The following ZNF462 variants were observed in gnomAD, a reference collection of about 807,000 sequenced individuals.
The protein encoded by ZNF462 is zinc finger protein 462.
A neutral mutation model predicts 201.9 loss-of-function variants in ZNF462; 10 were observed. That is an observed-to-expected ratio of 0.05 (90% CI 0.03 to 0.08). The LOEUF (loss-of-function observed/expected upper bound fraction) is 0.08, where lower values mean the gene tolerates loss of function less well. ZNF462 is among the 10% of genes least tolerant of loss of function. The pLI is 1.00. For missense variants in ZNF462, 2,523 were observed against 3,168.3 expected (o/e 0.80, Z 4.89); for synonymous variants, 1,227 against 1,193.3 (o/e 1.03, Z -0.58).
In ZNF462 at chr9:106,872,262, C is replaced by CT; in HGVS notation, c.-31+8911dup. The stretch of plus-strand genomic sequence containing the variant: ...GCTACAAGTACTTATCACCCAGAAT[C>CT]TTTTCTCTTCAGTGGTTTCTATCTT... On this transcript the variant is annotated intron_variant, in intron 1 of 12. Coordinates refer to ENST00000277225, the MANE Select transcript of ZNF462 (RefSeq NM_021224.6). The surrounding 1 kb of genome is among the most constrained non-coding windows in gnomAD (Gnocchi z 4.5). 1.3e-5 allele frequency among the ~76,000 whole-genome samples: 2 copies of CT among 152,338 alleles called. No individual in the cohort carries two copies. The highest frequency in any genetic ancestry group is 3.9e-4 in the East Asian group (2 of 5,184).
chr9:106,976,203 T>C (rs1826991074), intron 9 of ZNF462: 1 of 152,044 alleles, frequency 6.6e-6, no homozygotes, highest in Admixed American at 6.5e-5. Flanking sequence ...TAGCTGAGAG[T>C]TTGGATACCC....
rs771371045 is a variant in ZNF462, at chr9:106,926,375, A to T, written c.2463A>T (p.Gln821His). Residue 821 changes from glutamine to histidine, a missense_variant, in exon 3 of 13, where the codon CAA becomes CAT. By Grantham distance (24) the Gln-to-His change is conservative (BLOSUM62 0). This residue lies in a region of ZNF462 where 383 missense variants were observed against 453.4 expected (regional missense o/e 0.84). Coordinates refer to ENST00000277225, the MANE Select transcript of ZNF462 (RefSeq NM_021224.6). The surrounding 1 kb of genome is among the most constrained non-coding windows in gnomAD (Gnocchi z 7.9). ...QVSNTALLNT[Q>H]TPIYGTEHNS... ...CCAATACTGCTCTGCTGAATACCCAAACTCCCATCTATGGGACTGAGCACA... is the reference window on the plus strand; with the variant it reads ...CCAATACTGCTCTGCTGAATACCCATACTCCCATCTATGGGACTGAGCACA... The T allele has an allele frequency of 1.9e-6, 3 of 1,614,130 alleles. No homozygotes were observed. In the East Asian group the frequency reaches 6.7e-5, roughly 36 times the overall value.
At chr9:106,864,064 C>CTCTCTCTCTG (rs1827191870) in intron 1 of ZNF462, among the ~76,000 whole-genome samples, 8 of 102,430 alleles carry the variant, frequency 7.8e-5, no homozygotes, top group Admixed American at 3.0e-4. Context: ...CTCTCTCTCT[C>CTCTCTCTCTG]TCTCTCTCTC....
rs1242341858 is a variant in ZNF462, at chr9:106,928,553, C to T, written c.4641C>T (p.Asp1547=). The change falls in exon 3 of 13, where the codon GAC becomes GAT. Residue 1547 remains aspartate, a synonymous_variant. Coordinates refer to ENST00000277225, the MANE Select transcript of ZNF462 (RefSeq NM_021224.6). This position sits in a 1 kb window ranked among gnomAD's most constrained non-coding sequence, Gnocchi z 9.3. ...RHPSIKVTAE[D]FVHDVEQSAD... ...CGTCCATCAAGGTGACCGCTGAGGA[C>T]TTTGTGCACGACGTAGAGCAGTCTG... is the stretch of plus-strand genomic sequence containing the variant. 1.9e-6 allele frequency: 3 copies of T among 1,613,984 alleles called. No homozygotes were observed. Among genetic ancestry groups the T allele is most frequent in the Non-Finnish European group, 2.5e-6 (3 of 1,180,022 alleles).
Position 106,938,805 on chromosome 9 carries a change from T to G in ZNF462, c.6236-111T>G. 160 of 1,141,534 alleles carry G rather than the reference T, an allele frequency of 1.4e-4. No individual in the cohort carries two copies. Among genetic ancestry groups the G allele is most frequent in the Middle Eastern group, 2.2e-4 (1 of 4,632 alleles). 70.7% of individuals were successfully genotyped at this position (1,141,534 alleles called of 1,614,324 possible). ...AGGTTCGTTCATAGAACATGAAGCT[T>G]GAGATGCGCTTCTCTAGCATGAGTT... On this transcript the variant is annotated intron_variant, in intron 6 of 12. Transcript: ENST00000277225. This position sits in a 1 kb window ranked among gnomAD's most constrained non-coding sequence, Gnocchi z 4.4.
rs1344545399 is a variant in ZNF462, at chr9:106,935,472, AT to A, written c.6117-26del. The A allele has an allele frequency of 2.5e-6, 4 of 1,598,692 alleles. No homozygotes were observed. Among genetic ancestry groups the A allele is most frequent in the Non-Finnish European group, 3.4e-6 (4 of 1,166,760 alleles). On this transcript the variant is annotated intron_variant, in intron 5 of 12. Transcript: ENST00000277225. The surrounding 1 kb of genome is among the most constrained non-coding windows in gnomAD (Gnocchi z 4.1). ...CCTCTATGCAATTTTTAATTTTGTC[AT>A]TTTTCTTTTTGTTTTCCTTCTACAT...
At position 106,880,471 on chromosome 9, in the gene ZNF462, G is replaced by A. The variant is rs760344443; in HGVS notation, c.-31+17116G>A. The stretch of plus-strand genomic sequence containing the variant: ...TGCATTAAACCAGTGAGAAGTCCAA[G>A]GCTCCATTTCATCCCGTGTAAAACA... On this transcript the variant is annotated intron_variant, in intron 1 of 12. Coordinates refer to ENST00000277225, the MANE Select transcript of ZNF462 (RefSeq NM_021224.6). This position sits in a 1 kb window ranked among gnomAD's most constrained non-coding sequence, Gnocchi z 4.1. 4.5e-4 allele frequency among the ~76,000 whole-genome samples: 69 copies of A among 152,300 alleles called. No individual in the cohort carries two copies. Among genetic ancestry groups the A allele is most frequent in the Non-Finnish European group, 8.1e-4 (55 of 68,020 alleles).
chr9:106,936,726 G>A lies in ZNF462; in HGVS notation c.6235+1105G>A, dbSNP rs1046375241. 3.3e-5 allele frequency among the ~76,000 whole-genome samples: 5 copies of A among 152,240 alleles called. 1 individual carries two copies. The highest frequency in any genetic ancestry group is 1.2e-4 in the African/African-American group (5 of 41,462). On this transcript the variant is annotated intron_variant, in intron 6 of 12. Coordinates refer to ENST00000277225, the MANE Select transcript of ZNF462 (RefSeq NM_021224.6). ...TCCAGCTGGGACACTATCCTGGTGA[G>A]TTTTGCCCATAGGCCTTAGCCTTGT...
At position 106,977,180 on chromosome 9, in the gene ZNF462, T is replaced by C. The variant is rs1827068624; in HGVS notation, c.6832+2907T>C. 6.6e-6 allele frequency among the ~76,000 whole-genome samples: 1 copy of C among 152,196 alleles called. No individual in the cohort carries two copies. The highest frequency in any genetic ancestry group is 1.5e-5 in the Non-Finnish European group (1 of 68,038). On this transcript the variant is annotated intron_variant, in intron 9 of 12. Transcript: ENST00000277225. This position sits in a 1 kb window ranked among gnomAD's most constrained non-coding sequence, Gnocchi z 4.6. ...ATGGCAGCTCAGTAGGAAGCTGACC[T>C]TGACAAGTCGAGAGACAGAGCTGCA...
intron 1 of ZNF462, among the ~76,000 whole-genome samples, chr9:106,901,544 A>G (rs553053639): frequency 3.3e-5 from 5 of 152,324 alleles, no homozygotes; most frequent in East Asian, 1.9e-4. Context: ...CTACCCATCC[A>G]TGAGCATGGG....
intron 1 of ZNF462, among the ~76,000 whole-genome samples, chr9:106,864,013 C>T (rs549490816): frequency 1.4e-5 from 2 of 148,024 alleles, no homozygotes; most frequent in East Asian, 4.2e-4. Flanking sequence ...TGCGGATTGG[C>T]AGCCCCCCTC....
In ZNF462 at chr9:106,930,699, G is replaced by A; in HGVS notation, c.6012+10G>A. The A allele has an allele frequency of 6.2e-7, 1 of 1,613,798 alleles. No individual in the cohort carries two copies. Among genetic ancestry groups the A allele is most frequent in the Non-Finnish European group, 8.5e-7 (1 of 1,179,904 alleles). On this transcript the variant is annotated intron_variant, in intron 4 of 12. Transcript: ENST00000277225. This position sits in a 1 kb window ranked among gnomAD's most constrained non-coding sequence, Gnocchi z 5.8. ...GTCAGCTGCTGTGAAGGTGAGAACTGGAAGGTCTGGATGAGCATTGTGTGT... is the reference window on the plus strand; with the variant it reads ...GTCAGCTGCTGTGAAGGTGAGAACTAGAAGGTCTGGATGAGCATTGTGTGT...
Position 106,890,435 on chromosome 9 carries a change from A to G in ZNF462, c.-31+27080A>G, listed in dbSNP as rs186817486. 4.3e-4 allele frequency among the ~76,000 whole-genome samples: 66 copies of G among 152,326 alleles called. No individual in the cohort carries two copies. Among genetic ancestry groups the G allele is most frequent in the African/African-American group, 1.4e-3 (59 of 41,566 alleles). On this transcript the variant is annotated intron_variant, in intron 1 of 12. Transcript: ENST00000277225. This position sits in a 1 kb window ranked among gnomAD's most constrained non-coding sequence, Gnocchi z 4.2. ...TTCTGGAGTCCTTTTTGGGCATACA[A>G]AAATCTAGCACTTGAAGCCACTTAA...
intron 10 of ZNF462, among the ~76,000 whole-genome samples, chr9:106,996,344 G>C (rs1232984906): frequency 2.6e-5 from 4 of 152,168 alleles, no homozygotes; most frequent in Non-Finnish European, 4.4e-5. Context: ...AATGGGATGG[G>C]TGGGTCAAAT....
chr9:106,879,332 A>AACCCCCCCCCCCCC (rs1554693590), intron 1 of ZNF462, among the ~76,000 whole-genome samples: 1 of 70,632 alleles, frequency 1.4e-5, no homozygotes, highest in Non-Finnish European at 2.8e-5. Context: ...GATGCTTTCC[A>AACCCCCCCCCCCCC]CCCCCCCCCC....
Position 106,924,547 on chromosome 9 carries a change from T to C in ZNF462, c.635T>C (p.Leu212Pro), listed in dbSNP as rs762473377. ...MPDPVVPPVS[L>P]QDPCKELPAE... is the part of the protein sequence containing the mutation. ...GACCCTGTGGTTCCGCCCGTATCACTGCAGGACCCCTGCAAGGAACTGCCA... is the reference window on the plus strand; with the variant it reads ...GACCCTGTGGTTCCGCCCGTATCACCGCAGGACCCCTGCAAGGAACTGCCA... Residue 212 changes from leucine (L) to proline (P), a missense_variant, in exon 3 of 13, where the codon CTG becomes CCG. Physicochemically the swap from Leu to Pro is moderately conservative, Grantham distance 98. Transcript: ENST00000277225. The surrounding 1 kb of genome is among the most constrained non-coding windows in gnomAD (Gnocchi z 6.2). 1 of 1,614,184 alleles carries C rather than the reference T, an allele frequency of 6.2e-7. No individual in the cohort carries two copies. Among genetic ancestry groups the C allele is most frequent in the Non-Finnish European group, 8.5e-7 (1 of 1,180,034 alleles).
At chr9:106,936,197 C>T (rs188652780) in intron 6 of ZNF462, among the ~76,000 whole-genome samples, 64 of 152,316 alleles carry the variant, frequency 4.2e-4, no homozygotes, top group African/African-American at 1.5e-3. Flanking sequence ...GAAATACAGT[C>T]AGTCATCTAT....
rs921847008 is a variant in ZNF462 at position 106,962,508 on chromosome 9, C to T, written c.6428-9497C>T. Among the ~76,000 whole-genome samples the T allele has an allele frequency of 6.6e-6, 1 of 151,974 alleles. No individual in the cohort carries two copies. The highest frequency in any genetic ancestry group is 1.5e-5 in the Non-Finnish European group (1 of 67,970). Reference sequence around the variant, plus strand: ...AAAAATATAAAGAAAAAACATGAGGCTTCACACAAAATAAGGTCTTTGAGA... The same window carrying T: ...AAAAATATAAAGAAAAAACATGAGGTTTCACACAAAATAAGGTCTTTGAGA... On this transcript the variant is annotated intron_variant, in intron 7 of 12. Transcript: ENST00000277225. This position sits in a 1 kb window ranked among gnomAD's most constrained non-coding sequence, Gnocchi z 4.6.
chr9:106,866,627 A>C (rs1459152170), intron 1 of ZNF462, among the ~76,000 whole-genome samples: 1 of 152,196 alleles, frequency 6.6e-6, no homozygotes, highest in Non-Finnish European at 1.5e-5. Flanking sequence ...GAGCACTTAA[A>C]AAAAATCCTA....
Sources: allele counts gnomAD v4.1 joint callset (sites outside exome capture counted in the v4.1 genomes callset), GRCh38; gene constraint gnomAD v4.1.1; regional missense constraint gnomAD v4.1.1; non-coding constraint Gnocchi (gnomAD v3.1); transcripts MANE v1.5; gene names NCBI Gene and HGNC (gene_info 2026-07-23, HGNC 2026-07-21).